UNC5D: variants seen among roughly 807,000 people sequenced by gnomAD.
UNC5D encodes the protein unc-5 netrin receptor D, also known as netrin receptor UNC5D.
In UNC5D, 39 loss-of-function variants were observed where a neutral mutation model predicts 105.4. The ratio of observed to expected loss-of-function variants is 0.37; its 90% CI spans 0.29 to 0.48. UNC5D has a LOEUF of 0.48. UNC5D is among the 20% of genes least tolerant of loss of function. The pLI, the probability that UNC5D is intolerant of heterozygous loss-of-function variation, is 0.98. For missense variants in UNC5D, 991 were observed against 1,202.4 expected (o/e 0.82, Z 2.60); for synonymous variants, 452 against 450.4 (o/e 1.00, Z -0.04).
intron 4 of UNC5D, among the ~76,000 whole-genome samples, chr8:35,609,637 T>G (rs986825572): frequency 1.3e-5 from 2 of 152,246 alleles, no homozygotes; most frequent in Non-Finnish European, 1.5e-5. Context: ...CTATAGGTAA[T>G]GACTCTCCAG....
At chr8:35,491,987 CTT>C in intron 1 of UNC5D, among the ~76,000 whole-genome samples, 1 of 152,168 alleles carries the variant, frequency 6.6e-6, no homozygotes, top group Non-Finnish European at 1.5e-5. Flanking sequence ...ATTTGACTCG[CTT>C]TTGAAAGGTG....
chr8:35,687,632 T>A (rs1826103073), intron 7 of UNC5D, among the ~76,000 whole-genome samples: 3 of 152,070 alleles, frequency 2.0e-5, no homozygotes, highest in Non-Finnish European at 4.4e-5. Context: ...TTAGAAGGCA[T>A]GGGAGGGTCA....
At chr8:35,608,222 A>G (rs1820441832) in intron 4 of UNC5D, among the ~76,000 whole-genome samples, 1 of 152,188 alleles carries the variant, frequency 6.6e-6, no homozygotes, top group South Asian at 2.1e-4. Context: ...TAAATTTCAG[A>G]CACAGACTAG....
chr8:35,447,170 G>A (rs887124066), intron 1 of UNC5D, among the ~76,000 whole-genome samples: 1 of 152,012 alleles, frequency 6.6e-6, no homozygotes, highest in Non-Finnish European at 1.5e-5. Context: ...GGAGGAAGTT[G>A]GCTAAACTCA....
At chr8:35,415,385 C>T (rs1805463186) in intron 1 of UNC5D, among the ~76,000 whole-genome samples, 1 of 152,052 alleles carries the variant, frequency 6.6e-6, no homozygotes, top group Non-Finnish European at 1.5e-5. Context: ...ATTTTCACTT[C>T]TTTTATGGAT....
At chr8:35,260,500 T>C (rs1023339127) in intron 1 of UNC5D, among the ~76,000 whole-genome samples, 1 of 152,208 alleles carries the variant, frequency 6.6e-6, no homozygotes, top group Non-Finnish European at 1.5e-5. Context: ...AGATGGAGTC[T>C]CGCTCTATCA....
intron 1 of UNC5D, among the ~76,000 whole-genome samples, chr8:35,420,793 G>C (rs370525223): frequency 6.6e-6 from 1 of 151,428 alleles, no homozygotes; most frequent in Non-Finnish European, 1.5e-5. Context: ...TTGGAATAAA[G>C]TATATATATT....
intron 1 of UNC5D, among the ~76,000 whole-genome samples, chr8:35,519,765 G>A (rs533015332): frequency 4.1e-4 from 63 of 151,954 alleles, no homozygotes; most frequent in African/African-American, 1.4e-3. Flanking sequence ...AAACAACATT[G>A]AGTTCAGAAA....
chr8:35,456,083 C>A (rs933295120), intron 1 of UNC5D, among the ~76,000 whole-genome samples: 3 of 152,132 alleles, frequency 2.0e-5, no homozygotes, highest in African/African-American at 7.2e-5. Context: ...CTGCCTAATT[C>A]AGATAATTTT....
chr8:35,286,518 CG>C (rs1806609168), intron 1 of UNC5D, among the ~76,000 whole-genome samples: 5 of 152,238 alleles, frequency 3.3e-5, no homozygotes, highest in Admixed American at 3.3e-4. Context: ...TAAGTTCTGG[CG>C]CTCACATGAA....
chr8:35,654,854 A>C (rs1823635728), intron 4 of UNC5D, among the ~76,000 whole-genome samples: 1 of 152,126 alleles, frequency 6.6e-6, no homozygotes, highest in South Asian at 2.1e-4. Flanking sequence ...ATTTCAAGTA[A>C]CTTGTATCAT....
rs142730803 is a variant in UNC5D, at chr8:35,686,706, C to T, written c.1081C>T (p.Leu361=). The T allele has an allele frequency of 5.1e-4, 804 of 1,583,464 alleles. No individual in the cohort carries two copies. Among genetic ancestry groups the T allele is most frequent in the South Asian group, 7.4e-4 (64 of 86,330 alleles). Residue 361 remains leucine, a synonymous_variant, in exon 7 of 17, where the codon CTA becomes TTA. Coordinates refer to ENST00000404895, the MANE Select transcript of UNC5D (RefSeq NM_080872.4). ...SENCTDGLCI[L]DKKPLHEIKP... is the part of the protein sequence containing the mutation. ...AAACTGCACAGATGGTCTTTGCATCCTAGGTAACACTTTTGCTTTAACATC... is the reference window on the plus strand; with the variant it reads ...AAACTGCACAGATGGTCTTTGCATCTTAGGTAACACTTTTGCTTTAACATC...
At chr8:35,687,707 G>A (rs1333834113) in intron 7 of UNC5D, among the ~76,000 whole-genome samples, 2 of 152,104 alleles carry the variant, frequency 1.3e-5, no homozygotes, top group African/African-American at 2.4e-5. Flanking sequence ...TGTTCTTTGG[G>A]CAAGTTGCTT....
At chr8:35,717,162 G>A (rs995103577) in intron 8 of UNC5D, among the ~76,000 whole-genome samples, 2 of 152,158 alleles carry the variant, frequency 1.3e-5, no homozygotes, top group African/African-American at 2.4e-5. Context: ...GGGAGCAATG[G>A]CATTCTGCAA....
chr8:35,251,546 G>A (rs564381865), intron 1 of UNC5D, among the ~76,000 whole-genome samples: 77 of 152,250 alleles, frequency 5.1e-4, no homozygotes, highest in Non-Finnish European at 1.5e-5. Flanking sequence ...CACCTTTTGG[G>A]AGCTAGCCTT....
intron 1 of UNC5D, among the ~76,000 whole-genome samples, chr8:35,395,970 T>C (rs1298014705): frequency 6.6e-6 from 1 of 152,182 alleles, no homozygotes; most frequent in Non-Finnish European, 1.5e-5. Flanking sequence ...CCTGATATGG[T>C]GACTTTATCT....
intron 2 of UNC5D, among the ~76,000 whole-genome samples, chr8:35,567,016 G>C (rs2130779934): frequency 6.6e-6 from 1 of 151,954 alleles, no homozygotes; most frequent in Admixed American, 6.6e-5. Flanking sequence ...AGAAGCTCAT[G>C]CTCTCCAGTT....
intron 1 of UNC5D, among the ~76,000 whole-genome samples, chr8:35,340,584 C>T (rs1299971032): frequency 6.6e-6 from 1 of 152,134 alleles, no homozygotes; most frequent in African/African-American, 2.4e-5. Context: ...ATCATCTCTC[C>T]TTTGTCTCTG....
At chr8:35,668,292 TTACAGA>T (rs1350995134) in intron 4 of UNC5D, among the ~76,000 whole-genome samples, 1 of 152,130 alleles carries the variant, frequency 6.6e-6, no homozygotes, top group Non-Finnish European at 1.5e-5. Context: ...TTTTTATATA[TTACAGA>T]CCAGGCAGTA....
Sources: gnomAD v4.1 joint callset for allele counts (sites outside exome capture counted in the v4.1 genomes callset) on GRCh38, gnomAD v4.1.1 for gene constraint, MANE v1.5 for transcripts, NCBI Gene and HGNC (gene_info 2026-07-23, HGNC 2026-07-21) for gene names.